MCC: variants seen among roughly 807,000 people sequenced by gnomAD.
The protein encoded by MCC is colorectal mutant cancer protein.
Under a neutral mutation model 116.2 loss-of-function variants are expected in MCC, and 90 were observed. The ratio of observed to expected loss-of-function variants is 0.77; its 90% CI spans 0.65 to 0.92. The LOEUF (loss-of-function observed/expected upper bound fraction) is 0.92, where lower values mean the gene tolerates loss of function less well. Among genes scored for constraint, MCC ranks in the 40% least tolerant of loss-of-function variants. The probability of loss-of-function intolerance (pLI) is 0.00; values close to 1 mark genes in which losing one functional copy is unlikely to be tolerated. For missense variants in MCC, 1,516 were observed against 1,312.2 expected, an observed-to-expected ratio of 1.16 and a Z score of -2.40; for synonymous variants, 578 against 510.5, an observed-to-expected ratio of 1.13 and a Z score of -1.78.
At chr5:113,119,512 G>T (rs1581101817) in intron 6 of MCC, among the ~76,000 whole-genome samples, 1 of 152,182 alleles carries the variant, frequency 6.6e-6, no homozygotes, top group Non-Finnish European at 1.5e-5. Flanking sequence ...GCTGCAGCTG[G>T]AAGAAAAACA....
intron 3 of MCC, among the ~76,000 whole-genome samples, chr5:113,250,540 A>G (rs1764757413): frequency 6.6e-6 from 1 of 152,098 alleles, no homozygotes; most frequent in Non-Finnish European, 1.5e-5. Flanking sequence ...TGCCTTTATA[A>G]ATAATTGTTT....
chr5:113,427,259 A>C (rs1159863052), intron 1 of MCC, among the ~76,000 whole-genome samples: 1 of 152,218 alleles, frequency 6.6e-6, no homozygotes, highest in East Asian at 1.9e-4. Flanking sequence ...TATAATAAGA[A>C]GTTGGTCATT....
In MCC at chr5:113,157,580, T is replaced by C. The variant is rs1760243857; in HGVS notation, c.628-6158A>G. ...CAGTCTTCCCGGCTTTGTTGGGAAG[T>C]GAGTTCATCTGGGGTAAACTGTGCT... On this transcript the variant is annotated intron_variant, in intron 3 of 18. Transcript: ENST00000408903. 2.0e-5 allele frequency among the ~76,000 whole-genome samples: 3 copies of C among 152,196 alleles called. No homozygotes were observed. The South Asian group carries it at 6.2e-4, about 32-fold the overall frequency.
At chr5:113,459,497 C>A (rs1320858360) in intron 1 of MCC, among the ~76,000 whole-genome samples, 1 of 151,964 alleles carries the variant, frequency 6.6e-6, no homozygotes, top group Non-Finnish European at 1.5e-5. Flanking sequence ...GAGATCCCAC[C>A]ACTGCACTCC....
chr5:113,413,165 C>T (rs1330351886), intron 1 of MCC, among the ~76,000 whole-genome samples: 8 of 152,062 alleles, frequency 5.3e-5, no homozygotes, highest in Non-Finnish European at 1.0e-4. Context: ...CTGCTGGATT[C>T]GGTTTGCCAG....
At chr5:113,123,015 G>T (rs1757828672) in intron 5 of MCC, among the ~76,000 whole-genome samples, 189 bp from the exon 6 acceptor site, 1 of 152,282 alleles carries the variant, frequency 6.6e-6, no homozygotes, top group African/African-American at 2.4e-5. Flanking sequence ...AAGCTGAAAG[G>T]TTGCCTCTGT....
intron 2 of MCC, among the ~76,000 whole-genome samples, chr5:113,341,575 G>A (rs1768012944): frequency 6.6e-6 from 1 of 152,136 alleles, no homozygotes; most frequent in African/African-American, 2.4e-5. Context: ...CTGAGTTCTG[G>A]GCAATAGAAT....
At chr5:113,414,988 C>T (rs1216635913) in intron 1 of MCC, among the ~76,000 whole-genome samples, 1 of 152,152 alleles carries the variant, frequency 6.6e-6, no homozygotes, top group Non-Finnish European at 1.5e-5. Context: ...TCAGCATTTG[C>T]TTGTCTGTAA....
intron 3 of MCC, among the ~76,000 whole-genome samples, chr5:113,307,952 G>C (rs1561517954): frequency 6.8e-6 from 1 of 148,052 alleles, no homozygotes; most frequent in South Asian, 2.2e-4. Context: ...TGGAGTGTCA[G>C]CTCCATTTGC....
chr5:113,256,000 T>A (rs894592727), intron 3 of MCC, among the ~76,000 whole-genome samples: 1 of 152,238 alleles, frequency 6.6e-6, no homozygotes, highest in Admixed American at 6.5e-5. Context: ...AACAAACTCT[T>A]ATTCACTGAA....
intron 8 of MCC, 44 bp from the exon 9 acceptor site, chr5:113,085,354 C>T (rs1432095427): frequency 4.5e-6 from 7 of 1,561,380 alleles, no homozygotes; most frequent in Non-Finnish European, 6.1e-6. Context: ...GTTTCCCTGG[C>T]TAAAGAGCAA....
chr5:113,340,496 T>C (rs1191898882), intron 3 of MCC, 23 bp downstream of exon 3: 2 of 1,606,126 alleles, frequency 1.2e-6, no homozygotes, highest in Admixed American at 1.7e-5. Context: ...AAATATGTAT[T>C]CCATGAACCA....
intron 2 of MCC, among the ~76,000 whole-genome samples, chr5:113,367,276 C>T (rs1385009216): frequency 6.6e-6 from 1 of 151,480 alleles, no homozygotes; most frequent in Non-Finnish European, 1.5e-5. Flanking sequence ...TTTTTATTTC[C>T]TTGGGACTAA....
chr5:113,183,656 G>T (rs150201141), intron 3 of MCC, among the ~76,000 whole-genome samples: 2 of 152,132 alleles, frequency 1.3e-5, no homozygotes, highest in Admixed American at 6.6e-5. Flanking sequence ...AGTCTCATAC[G>T]CAGAGAGAGT....
intron 1 of MCC, among the ~76,000 whole-genome samples, chr5:113,401,876 G>T (rs1490953407): frequency 6.6e-6 from 1 of 151,358 alleles, no homozygotes; most frequent in African/African-American, 2.4e-5. Flanking sequence ...TTGAGACAGG[G>T]TCTTCCTCTG....
At position 113,029,000 on chromosome 5, in the gene MCC, G is replaced by A; in HGVS notation, c.2813C>T (p.Thr938Ile). The change falls in exon 18 of 19, where the codon ACC (threonine) becomes ATC (isoleucine). Residue 938 changes from threonine (T) to isoleucine (I), a missense_variant. Transcript: ENST00000408903. ...QELVSALERL[T>I]KSSEIRHQQS... ...CTGATGTCGGATTTCACTGCTCTTG[G>A]TGAGTCTCTCCAAGGCACTCACCAG... is the stretch of plus-strand genomic sequence containing the variant. The A allele has an allele frequency of 1.2e-6, 2 of 1,613,900 alleles. No individual in the cohort carries two copies. Among genetic ancestry groups the A allele is most frequent in the South Asian group, 1.1e-5 (1 of 91,026 alleles).
chr5:113,275,230 T>G (rs926251126), intron 3 of MCC, among the ~76,000 whole-genome samples: 1 of 152,212 alleles, frequency 6.6e-6, no homozygotes, highest in Non-Finnish European at 1.5e-5. Flanking sequence ...ACTCTGACTC[T>G]AAGAGCTAAA....
chr5:113,211,148 T>C (rs746334158), intron 3 of MCC, among the ~76,000 whole-genome samples: 6 of 152,202 alleles, frequency 3.9e-5, no homozygotes, highest in African/African-American at 7.2e-5. Context: ...TAGGTCATGA[T>C]GGTAGAACCC....
intron 3 of MCC, among the ~76,000 whole-genome samples, chr5:113,209,292 A>G (rs1353864876): frequency 6.6e-6 from 1 of 152,236 alleles, no homozygotes; most frequent in Non-Finnish European, 1.5e-5. Context: ...CCTCAGAAGA[A>G]GGCTTCAAAA....
Sources: allele counts gnomAD v4.1 joint callset (sites outside exome capture counted in the v4.1 genomes callset), GRCh38; gene constraint gnomAD v4.1.1; transcripts MANE v1.5; gene names NCBI Gene and HGNC (gene_info 2026-07-23, HGNC 2026-07-21).